Variants in GSN observed in about 807,000 individuals in gnomAD.
GSN encodes the protein gelsolin.
In GSN, 56 loss-of-function variants were observed where a neutral mutation model predicts 85.7. The observed-to-expected ratio is 0.65, with a 90% CI of 0.53 to 0.82. GSN has a LOEUF of 0.82. Among genes scored for constraint, GSN ranks in the 40% least tolerant of loss-of-function variants. The pLI is 0.00. For synonymous variants in GSN, 373 were observed against 399.1 expected (o/e 0.93, Z 0.78); for missense variants, 857 against 979.8 (o/e 0.87, Z 1.67).
chr9:121,301,839 G>T, intron 2 of GSN, 124 bp from the exon 3 acceptor site: 1 of 1,498,488 alleles, frequency 6.7e-7, no homozygotes, highest in South Asian at 1.2e-5. Flanking sequence ...ACTTCCCTGG[G>T]GCGTGGGGAG....
In GSN at chr9:121,281,505, C is replaced by T. The variant is rs898352702; in HGVS notation, c.-67C>T. ...TAGCTCTCTTTGTCCAGTGCTTCGG[C>T]CTTGGTCCCAGCGCCTTCCCACGGA... On this transcript the variant is annotated 5_prime_UTR_variant, in exon 2 of 18. Transcript: ENST00000432226. 5.0e-6 allele frequency: 2 copies of T among 397,968 alleles called. No homozygotes were observed. Among genetic ancestry groups the T allele is most frequent in the African/African-American group, 4.2e-5 (2 of 47,652 alleles). 24.7% of individuals were successfully genotyped at this position (397,968 alleles called of 1,614,324 possible). A position where few individuals can be genotyped will look rare whatever the true frequency, so the allele number is the denominator to read the frequency against.
Position 121,327,655 on chromosome 9 carries a change from G to C in GSN, c.1762+173G>C, listed in dbSNP as rs540635914. ...TTAAAATGAGGGCTGTGGCCAGAGA[G>C]AGGGAGGTCTCCAGGAGCTAAAGAA... is the stretch of plus-strand genomic sequence containing the variant. On this transcript the variant is annotated intron_variant, in intron 14 of 17. Coordinates refer to ENST00000432226, the MANE Select transcript of GSN (RefSeq NM_198252.3). 2.6e-5 allele frequency among the ~76,000 whole-genome samples: 4 copies of C among 152,358 alleles called. No individual in the cohort carries two copies. The South Asian group carries it at 8.3e-4, about 32-fold the overall frequency.
chr9:121,305,790 C>T (rs1183246703), intron 4 of GSN, among the ~76,000 whole-genome samples: 2 of 152,230 alleles, frequency 1.3e-5, no homozygotes, highest in Non-Finnish European at 2.9e-5. Context: ...TGTTTACCAC[C>T]TTCTGTAAGT....
rs1589228161 is a variant in GSN, at chr9:121,327,418, G to T, written c.1698G>T (p.Gly566=). The T allele has an allele frequency of 6.2e-7, 1 of 1,610,630 alleles. No individual in the cohort carries two copies. Among genetic ancestry groups the T allele is most frequent in the South Asian group, 1.1e-5 (1 of 90,342 alleles). The change falls in exon 14 of 18, where the codon GGG becomes GGT. Residue 566 remains glycine, a synonymous_variant. Transcript: ENST00000432226. The stretch of plus-strand genomic sequence containing the variant: ...GAGCCAGCGAGGCAGAGAAGACGGG[G>T]GCCCAGGAGCTGCTCAGGGTGCTGC... ...GTGASEAEKT[G]AQELLRVLRA...
upstream of GSN, among the ~76,000 whole-genome samples, chr9:121,265,450 T>C (rs2055177515): frequency 6.6e-6 from 1 of 152,228 alleles, no homozygotes; most frequent in African/African-American, 2.4e-5. Flanking sequence ...TTGTCATGTC[T>C]CAACTTCCAG....
chr9:121,244,404 A>G (rs892349268), intron 5 of GSN, among the ~76,000 whole-genome samples: 3 of 152,252 alleles, frequency 2.0e-5, no homozygotes, highest in African/African-American at 7.2e-5. Context: ...TACATTTTAT[A>G]AGAGACTGGC....
intron 2 of GSN, chr9:121,286,294 G>A: frequency 7.2e-6 from 5 of 697,230 alleles, no homozygotes; most frequent in Admixed American, 2.8e-5. Context: ...CACCAGCCAG[G>A]CCCCCTGCAG....
chr9:121,226,132 A>G (rs1186369549), intron 4 of GSN, among the ~76,000 whole-genome samples: 2 of 152,098 alleles, frequency 1.3e-5, no homozygotes, highest in African/African-American at 4.8e-5. Context: ...ACAATCAAAA[A>G]ATGTGTGCTC....
intron 6 of GSN, among the ~76,000 whole-genome samples, chr9:121,262,974 G>A (rs1281183202): frequency 6.6e-6 from 1 of 152,242 alleles, no homozygotes; most frequent in African/African-American, 2.4e-5. Context: ...AGCACTATTT[G>A]ACACTGGGAT....
intron 4 of GSN, among the ~76,000 whole-genome samples, chr9:121,223,726 C>T (rs2054216256): frequency 6.6e-6 from 1 of 152,142 alleles, no homozygotes; most frequent in Non-Finnish European, 1.5e-5. Flanking sequence ...GTGGCACAAT[C>T]TCAGCTCGCT....
At chr9:121,276,041 A>G (rs991667893) in intron 1 of GSN, among the ~76,000 whole-genome samples, 1 of 152,210 alleles carries the variant, frequency 6.6e-6, no homozygotes, top group Non-Finnish European at 1.5e-5. Flanking sequence ...ACTGAATCCA[A>G]ATCTGGATTT....
chr9:121,246,206 G>T lies in GSN; in HGVS notation c.-388-2070G>T, dbSNP rs549917881. Among the ~76,000 whole-genome samples, 73 of 152,214 alleles carry T rather than the reference G, an allele frequency of 4.8e-4. 3 individuals are homozygous for T. In the South Asian group the frequency reaches 0.014, roughly 30 times the overall value. On this transcript the variant is annotated intron_variant, in intron 5 of 24. Coordinates refer to the GSN transcript ENST00000373823. Reference sequence around the variant, plus strand: ...AAAAGCTGGGTGGTGGGCACATTAGGATCATTATACTACTCTTTCTACATT... The same window carrying T: ...AAAAGCTGGGTGGTGGGCACATTAGTATCATTATACTACTCTTTCTACATT...
At chr9:121,271,340 C>G (rs558961767) in intron 1 of GSN, among the ~76,000 whole-genome samples, 15 of 152,176 alleles carry the variant, frequency 9.9e-5, no homozygotes, top group African/African-American at 3.6e-4. Flanking sequence ...GATGACAGAA[C>G]AATACTGTCT....
intron 11 of GSN, among the ~76,000 whole-genome samples, chr9:121,323,409 C>T (rs1325152427): frequency 1.6e-5 from 2 of 126,422 alleles, no homozygotes; most frequent in Admixed American, 9.1e-5. Context: ...CTTGCTCTGT[C>T]GCCAGGCTGG....
At position 121,328,453 on chromosome 9, in the gene GSN, A is replaced by T. The variant is rs1161810459; in HGVS notation, c.1763-438A>T. Reference sequence around the variant, plus strand: ...AGTCGAATTTAATTTTAATGAATTTAAATTTAAATGGCTGCACATGGACAG... The same window carrying T: ...AGTCGAATTTAATTTTAATGAATTTTAATTTAAATGGCTGCACATGGACAG... On this transcript the variant is annotated intron_variant, in intron 14 of 17. Transcript: ENST00000432226. Among the ~76,000 whole-genome samples the T allele has an allele frequency of 2.6e-5, 4 of 152,260 alleles. No individual in the cohort carries two copies. In the South Asian group the frequency reaches 8.3e-4, roughly 31 times the overall value.
intron 4 of GSN, among the ~76,000 whole-genome samples, chr9:121,218,643 TAAAGA>T (rs1564336682): frequency 6.6e-6 from 1 of 151,778 alleles, no homozygotes; most frequent in African/African-American, 2.4e-5. Context: ...TCAAAAAAAA[TAAAGA>T]AAGGAGGAAA....
At chr9:121,203,323 G>A (rs1383241578), upstream of GSN, 1 of 152,148 alleles carries the variant, frequency 6.6e-6, no homozygotes, top group Non-Finnish European at 1.5e-5. Flanking sequence ...GGGATGAACC[G>A]GCCCAGGTCG....
intron 4 of GSN, among the ~76,000 whole-genome samples, chr9:121,306,387 T>G (rs1169416429): frequency 6.6e-6 from 1 of 152,246 alleles, no homozygotes; most frequent in African/African-American, 2.4e-5. Flanking sequence ...CTTCATTGCT[T>G]CTTTTCCCCC....
chr9:121,282,001 A>G lies in GSN; in HGVS notation c.-10+439A>G, dbSNP rs548047729. ...TGCCAAGTCTCTGGACTTGTTGACC[A>G]GAGGAGGAGCACCTGAGGTGTGTGA... On this transcript the variant is annotated intron_variant, in intron 2 of 17. Coordinates refer to ENST00000432226, the MANE Select transcript of GSN (RefSeq NM_198252.3). 1.4e-4 allele frequency: 67 copies of G among 473,500 alleles called. 1 individual carries two copies. Among genetic ancestry groups the G allele is most frequent in the Non-Finnish European group, 1.0e-4 (24 of 228,846 alleles). The allele number at this position is 473,500 out of a possible 1,614,324, so 29.3% of individuals were successfully genotyped here. A position where few individuals can be genotyped will look rare whatever the true frequency, so the allele number is the denominator to read the frequency against.
Sources: gnomAD v4.1 joint callset for allele counts (sites outside exome capture counted in the v4.1 genomes callset) on GRCh38, gnomAD v4.1.1 for gene constraint, MANE v1.5 for transcripts, NCBI Gene and HGNC (gene_info 2026-07-23, HGNC 2026-07-21) for gene names.